KCNK9: variants seen among roughly 807,000 people sequenced by gnomAD.
KCNK9 encodes the protein potassium channel subfamily K member 9.
In KCNK9, 1 loss-of-function variant was observed where a neutral mutation model predicts 10.8. The observed-to-expected ratio is 0.09, with a 90% CI of 0.03 to 0.44. The LOEUF is 0.44. KCNK9 is among the 20% of genes least tolerant of loss of function. The pLI is 0.97. For synonymous variants in KCNK9, 231 were observed against 222.7 expected, an observed-to-expected ratio of 1.04 and a Z score of -0.33; for missense variants, 303 against 515.0, an observed-to-expected ratio of 0.59 and a Z score of 3.98.
intron 1 of KCNK9, among the ~76,000 whole-genome samples, chr8:139,640,224 TC>T (rs1248909558): frequency 5.3e-5 from 8 of 152,140 alleles, no homozygotes; most frequent in Non-Finnish European, 1.2e-4. Context: ...CATGCGACCT[TC>T]CCATCTGTAA....
At chr8:139,678,429 G>A (rs1230846977) in intron 1 of KCNK9, among the ~76,000 whole-genome samples, 1 of 152,182 alleles carries the variant, frequency 6.6e-6, no homozygotes. Context: ...TCCTGCTCAG[G>A]GCAAGGTGCA....
chr8:139,635,391 A>C (rs1815307561), intron 1 of KCNK9, among the ~76,000 whole-genome samples: 1 of 152,234 alleles, frequency 6.6e-6, no homozygotes, highest in Non-Finnish European at 1.5e-5. Context: ...CCTGCCCCAA[A>C]GGGCCAGCGG....
intron 1 of KCNK9, among the ~76,000 whole-genome samples, chr8:139,640,136 C>G (rs1815457961): frequency 6.6e-6 from 1 of 152,236 alleles, no homozygotes; most frequent in African/African-American, 2.4e-5. Flanking sequence ...GCTCAGGGCC[C>G]TCTCCATCCC....
intron 1 of KCNK9, among the ~76,000 whole-genome samples, chr8:139,699,601 G>T (rs1310489160): frequency 6.6e-6 from 1 of 152,182 alleles, no homozygotes; most frequent in South Asian, 2.1e-4. Context: ...TGGAAACAGA[G>T]CCTGATAAAT....
At chr8:139,683,123 G>T (rs1816724621) in intron 1 of KCNK9, among the ~76,000 whole-genome samples, 1 of 152,146 alleles carries the variant, frequency 6.6e-6, no homozygotes, top group South Asian at 2.1e-4. Flanking sequence ...AGAAGGAAAA[G>T]GGTCACAGCA....
chr8:139,685,495 A>G (rs990249112), intron 1 of KCNK9, among the ~76,000 whole-genome samples: 5 of 152,092 alleles, frequency 3.3e-5, no homozygotes, highest in African/African-American at 1.2e-4. Context: ...ATGTGTTCTC[A>G]TTGTTCAACT....
intron 1 of KCNK9, among the ~76,000 whole-genome samples, chr8:139,651,990 C>T (rs531552586): frequency 6.6e-6 from 1 of 152,260 alleles, no homozygotes; most frequent in South Asian, 2.1e-4. Context: ...ATGAGAAGCA[C>T]CTGACCTCCC....
chr8:139,680,865 A>G (rs1816673211), intron 1 of KCNK9, among the ~76,000 whole-genome samples: 1 of 152,074 alleles, frequency 6.6e-6, no homozygotes. Context: ...TGCAAAATCT[A>G]AACTCCTCCT....
intron 1 of KCNK9, among the ~76,000 whole-genome samples, chr8:139,638,160 T>C (rs944415847): frequency 2.6e-5 from 4 of 151,942 alleles, no homozygotes; most frequent in East Asian, 3.9e-4. Context: ...ATCAAGCTCC[T>C]TATTCATCCT....
chr8:139,643,900 G>A (rs151234615), intron 1 of KCNK9, among the ~76,000 whole-genome samples: 254 of 152,300 alleles, frequency 1.7e-3, no homozygotes, highest in African/African-American at 5.9e-3. Flanking sequence ...GAAGGGAGTC[G>A]AGGGGGCTCT....
At chr8:139,633,410 T>C (rs1815234643) in intron 1 of KCNK9, among the ~76,000 whole-genome samples, 1 of 152,096 alleles carries the variant, frequency 6.6e-6, no homozygotes, top group Non-Finnish European at 1.5e-5. Context: ...ACGATGGCAA[T>C]CATGAGGACC....
intron 1 of KCNK9, among the ~76,000 whole-genome samples, chr8:139,659,926 C>A (rs1172602860): frequency 2.0e-5 from 3 of 151,664 alleles, no homozygotes; most frequent in African/African-American, 7.3e-5. Context: ...ATACCAGAAA[C>A]AATATATTGA....
intron 1 of KCNK9, among the ~76,000 whole-genome samples, chr8:139,695,464 C>T (rs1337254390): frequency 6.6e-6 from 1 of 152,230 alleles, no homozygotes; most frequent in Non-Finnish European, 1.5e-5. Flanking sequence ...GGAGGCCAAG[C>T]TCCACTCAGC....
At position 139,682,521 on chromosome 8, in the gene KCNK9, G is replaced by T. The variant is rs79827818; in HGVS notation, c.283+20189C>A. Among the ~76,000 whole-genome samples the T allele has an allele frequency of 2.8e-4, 43 of 152,326 alleles. No homozygotes were observed. In the East Asian group the frequency reaches 7.5e-3, roughly 27 times the overall value. ...AGAGGAGACATCTTCAGTGGCTAGG[G>T]ATGCCCCACTCTAGCCTGGGACTCA... On this transcript the variant is annotated intron_variant, in intron 1 of 1. Transcript: ENST00000520439.
At chr8:139,641,637 C>G (rs970164958) in intron 1 of KCNK9, among the ~76,000 whole-genome samples, 1 of 152,178 alleles carries the variant, frequency 6.6e-6, no homozygotes, top group African/African-American at 2.4e-5. Flanking sequence ...CCTGCCCCCC[C>G]CCCGCACTTT....
chr8:139,617,534 A>G lies in KCNK9; in HGVS notation c.*724T>C, dbSNP rs1814635645. On this transcript the variant is annotated 3_prime_UTR_variant, in exon 2 of 2. Transcript: ENST00000520439. ...GGGTCGTCTTGCCCACCCGCCCCTA[A>G]AAAACATTAATATAATTTAGAACCT... is the stretch of plus-strand genomic sequence containing the variant. Among the ~76,000 whole-genome samples the G allele has an allele frequency of 6.6e-6, 1 of 152,178 alleles. No individual in the cohort carries two copies. Among genetic ancestry groups the G allele is most frequent in the African/African-American group, 2.4e-5 (1 of 41,444 alleles).
In KCNK9 at chr8:139,623,843, G is replaced by A. The variant is rs538238826; in HGVS notation, c.284-4744C>T. Among the ~76,000 whole-genome samples, 22 of 152,278 alleles carry A rather than the reference G, an allele frequency of 1.4e-4. No homozygotes were observed. In the East Asian group the frequency reaches 4.2e-3, roughly 29 times the overall value. On this transcript the variant is annotated intron_variant, in intron 1 of 1. Coordinates refer to ENST00000520439, the MANE Select transcript of KCNK9 (RefSeq NM_001282534.2). ...ACAAAATTCAGGAGGGACACACAGG[G>A]CACTAAAGGTAGAGATAATGAAACC...
Position 139,662,405 on chromosome 8 carries a change from G to T in KCNK9, c.283+40305C>A, listed in dbSNP as rs923532288. Among the ~76,000 whole-genome samples the T allele has an allele frequency of 2.8e-4, 43 of 152,150 alleles. 1 individual carries two copies. The highest frequency in any genetic ancestry group is 4.4e-5 in the Non-Finnish European group (3 of 68,020). On this transcript the variant is annotated intron_variant, in intron 1 of 1. Transcript: ENST00000520439. ...GGCAGTGTGAGGCGAAGGGGGACTG[G>T]GTGAGTTCTTTATGCTGAGCTGTAC...
chr8:139,639,671 G>C (rs1374180267), intron 1 of KCNK9, among the ~76,000 whole-genome samples: 2 of 152,344 alleles, frequency 1.3e-5, no homozygotes, highest in East Asian at 3.9e-4. Flanking sequence ...GCACATTCGT[G>C]TCAGGACTTG....
Sources: allele counts gnomAD v4.1 joint callset (sites outside exome capture counted in the v4.1 genomes callset), GRCh38; gene constraint gnomAD v4.1.1; transcripts MANE v1.5; gene names NCBI Gene and HGNC (gene_info 2026-07-23, HGNC 2026-07-21).